Variants in TMEM132D observed in about 807,000 individuals in gnomAD.
The protein encoded by TMEM132D is transmembrane protein 132D.
TMEM132D carries 21 observed loss-of-function variants against 62.3 expected under a neutral mutation model. That is an observed-to-expected ratio of 0.34 (90% CI 0.24 to 0.49). The LOEUF (loss-of-function observed/expected upper bound fraction) is 0.49, where lower values mean the gene tolerates loss of function less well. Ranked by LOEUF, TMEM132D falls within the 20% of genes least tolerant of loss-of-function variation. TMEM132D has a pLI of 0.99. For synonymous variants in TMEM132D, 621 were observed against 575.6 expected (o/e 1.08, Z -1.13); for missense variants, 1,346 against 1,402.8 (o/e 0.96, Z 0.65).
chr12:129,524,366 T>C (rs528240588), intron 3 of TMEM132D, among the ~76,000 whole-genome samples: 175 of 152,330 alleles, frequency 1.1e-3, no homozygotes, highest in African/African-American at 4.1e-3. Flanking sequence ...CATAATTACA[T>C]GAGCGGTAAC....
In TMEM132D at chr12:129,729,970, CA is replaced by C. The variant is rs560540276; in HGVS notation, c.80-29273del. Among the ~76,000 whole-genome samples, 1,370 of 152,180 alleles carry C rather than the reference CA, an allele frequency of 9.0e-3. 23 individuals carry two copies. The highest frequency in any genetic ancestry group is 0.031 in the African/African-American group (1,294 of 41,504). Reference sequence around the variant, plus strand: ...CTTTGTAACGTCCATCCCCTGCCCGCAAAAAATTGCTCCTAACTCCACGGCC... The same window carrying C: ...CTTTGTAACGTCCATCCCCTGCCCGCAAAAATTGCTCCTAACTCCACGGCC... On this transcript the variant is annotated intron_variant, in intron 1 of 8. Transcript: ENST00000422113.
At chr12:129,646,764 C>A (rs973289561) in intron 2 of TMEM132D, among the ~76,000 whole-genome samples, 4 of 150,896 alleles carry the variant, frequency 2.7e-5, no homozygotes, top group African/African-American at 4.9e-5. Flanking sequence ...CATGCATTCA[C>A]GCACAAAGAT....
At chr12:129,188,546 C>T (rs1277080751) in intron 5 of TMEM132D, among the ~76,000 whole-genome samples, 1 of 152,216 alleles carries the variant, frequency 6.6e-6, no homozygotes, top group Non-Finnish European at 1.5e-5. Flanking sequence ...CTGACCCATG[C>T]ATATCTTGCT....
rs918323724 is a variant in TMEM132D at position 129,783,054 on chromosome 12, C to T, written c.80-82356G>A. Reference sequence around the variant, plus strand: ...GTGAAGTCTTTGCTAGTAAACGTCGCCCTAAACTTAAAAATCATAACATCA... The same window carrying T: ...GTGAAGTCTTTGCTAGTAAACGTCGTCCTAAACTTAAAAATCATAACATCA... On this transcript the variant is annotated intron_variant, in intron 1 of 8. Coordinates refer to ENST00000422113, the MANE Select transcript of TMEM132D (RefSeq NM_133448.3). Among the ~76,000 whole-genome samples the T allele has an allele frequency of 8.5e-5, 13 of 152,290 alleles. No homozygotes were observed. The South Asian group carries it at 1.9e-3, about 22-fold the overall frequency.
intron 3 of TMEM132D, among the ~76,000 whole-genome samples, chr12:129,468,243 T>C (rs900293978): frequency 2.7e-4 from 41 of 152,300 alleles, no homozygotes; most frequent in Non-Finnish European, 8.8e-5. Context: ...GTGGCTTTTT[T>C]CTTTCTGTTG....
At chr12:129,505,846 G>A (rs562044425) in intron 3 of TMEM132D, among the ~76,000 whole-genome samples, 33 of 152,084 alleles carry the variant, frequency 2.2e-4, no homozygotes, top group South Asian at 6.2e-4. Context: ...AACTACTCCC[G>A]CTTGCTTTTG....
intron 3 of TMEM132D, among the ~76,000 whole-genome samples, chr12:129,492,126 T>C (rs1874813335): frequency 1.3e-5 from 2 of 152,262 alleles, no homozygotes; most frequent in African/African-American, 2.4e-5. Flanking sequence ...ACAAACTTCC[T>C]GGATGTAGTT....
chr12:129,741,843 G>A (rs1285225701), intron 1 of TMEM132D, among the ~76,000 whole-genome samples: 1 of 152,214 alleles, frequency 6.6e-6, no homozygotes, highest in African/African-American at 2.4e-5. Context: ...AGCTTTGAAT[G>A]TCTGCGATGT....
chr12:129,105,786 T>C (rs1324553134), intron 5 of TMEM132D, among the ~76,000 whole-genome samples: 5 of 151,304 alleles, frequency 3.3e-5, no homozygotes, highest in African/African-American at 1.2e-4. Context: ...GGAGAGGATG[T>C]GGAGAAATAG....
intron 5 of TMEM132D, among the ~76,000 whole-genome samples, chr12:129,093,257 G>A (rs1158073463): frequency 2.0e-5 from 3 of 152,182 alleles, no homozygotes; most frequent in African/African-American, 7.2e-5. Context: ...TCTGTTTGCA[G>A]ATGACATGAT....
intron 1 of TMEM132D, among the ~76,000 whole-genome samples, chr12:129,841,947 T>C (rs2137344926): frequency 6.6e-6 from 1 of 150,950 alleles, no homozygotes; most frequent in South Asian, 2.1e-4. Flanking sequence ...TTTTTTTTTT[T>C]TGAGACGGAG....
chr12:129,808,253 G>C (rs2137313332), intron 1 of TMEM132D, among the ~76,000 whole-genome samples: 1 of 152,276 alleles, frequency 6.6e-6, no homozygotes, highest in Admixed American at 6.5e-5. Context: ...TTCAAGTCAT[G>C]AGAAGAGCAG....
At chr12:129,436,452 A>G (rs894429454) in intron 3 of TMEM132D, among the ~76,000 whole-genome samples, 3 of 152,270 alleles carry the variant, frequency 2.0e-5, no homozygotes, top group Admixed American at 6.5e-5. Flanking sequence ...TTTGTATTTC[A>G]AAAGACCAAG....
chr12:129,589,287 C>T (rs1220637654), intron 2 of TMEM132D, among the ~76,000 whole-genome samples: 9 of 152,116 alleles, frequency 5.9e-5, no homozygotes, highest in African/African-American at 4.8e-5. Context: ...TCTCATTCTC[C>T]GTTGTCTGCT....
At chr12:129,186,042 C>T (rs1878214684) in intron 5 of TMEM132D, among the ~76,000 whole-genome samples, 1 of 152,170 alleles carries the variant, frequency 6.6e-6, no homozygotes, top group South Asian at 2.1e-4. Flanking sequence ...GCTCTGAGCT[C>T]CTTGACCCCT....
At chr12:129,105,624 C>T (rs1201832348) in intron 5 of TMEM132D, among the ~76,000 whole-genome samples, 1 of 150,308 alleles carries the variant, frequency 6.7e-6, no homozygotes, top group Non-Finnish European at 1.5e-5. Context: ...ACAGACAATC[C>T]TCAAAGGAAG....
chr12:129,746,308 T>C (rs540754899), intron 1 of TMEM132D, among the ~76,000 whole-genome samples: 2 of 152,254 alleles, frequency 1.3e-5, no homozygotes, highest in East Asian at 1.9e-4. Context: ...GATGTTAAAC[T>C]AAAGAGTGAT....
intron 5 of TMEM132D, among the ~76,000 whole-genome samples, chr12:129,187,658 C>T (rs551580978): frequency 4.6e-5 from 7 of 152,336 alleles, no homozygotes; most frequent in African/African-American, 1.7e-4. Flanking sequence ...AGCAGGACAT[C>T]CTATTTCTCA....
intron 4 of TMEM132D, among the ~76,000 whole-genome samples, chr12:129,322,616 AT>A (rs983932063): frequency 6.6e-6 from 1 of 152,022 alleles, no homozygotes; most frequent in South Asian, 2.1e-4. Context: ...TCCAGGAAGG[AT>A]TTTTTTCTAG....
Sources: allele counts gnomAD v4.1 joint callset (sites outside exome capture counted in the v4.1 genomes callset), GRCh38; gene constraint gnomAD v4.1.1; transcripts MANE v1.5; gene names NCBI Gene and HGNC (gene_info 2026-07-23, HGNC 2026-07-21).